The following VASH1 variants were observed in gnomAD, a reference collection of about 807,000 sequenced individuals.
The protein encoded by VASH1 is vasohibin 1, also known as tubulinyl-Tyr carboxypeptidase 1.
In VASH1, 16 loss-of-function variants were observed where a neutral mutation model predicts 35.0. That is an observed-to-expected ratio of 0.46 (90% CI 0.31 to 0.70). VASH1 has a LOEUF of 0.70. Among genes scored for constraint, VASH1 ranks in the 30% least tolerant of loss-of-function variants. VASH1 has a pLI of 0.05. For synonymous variants in VASH1, 214 were observed against 200.9 expected (o/e 1.07, Z -0.55); for missense variants, 505 against 510.7 (o/e 0.99, Z 0.11).
chr14:76,779,217 T>C lies in VASH1; in HGVS notation c.*199T>C. On this transcript the variant is annotated 3_prime_UTR_variant, in exon 7 of 7. Transcript: ENST00000167106. ...CCCCTAACTTTGGGCCTAGAGGCCG[T>C]TAGTATTTTATTTGGAGTTTTTAAC... 2.9e-6 allele frequency: 2 copies of C among 692,018 alleles called. No individual in the cohort carries two copies. Among genetic ancestry groups the C allele is most frequent in the African/African-American group, 1.8e-5 (1 of 56,752 alleles). The allele number at this position is 692,018 out of a possible 1,614,324, so 42.9% of individuals were successfully genotyped here.
rs979609554 is a variant in VASH1 at position 76,771,183 on chromosome 14, C to T, written c.399-7C>T. On this transcript the variant is annotated splice_polypyrimidine_tract_variant and splice_region_variant and intron_variant, in intron 2 of 6. Transcript: ENST00000167106. The stretch of plus-strand genomic sequence containing the variant: ...CAAGCTAGGAAGCCCTTAACCCGTG[C>T]CCACAGGTACAATCACACAGGGACA... 5 of 1,588,276 alleles carry T rather than the reference C, an allele frequency of 3.1e-6. No homozygotes were observed. Among genetic ancestry groups the T allele is most frequent in the South Asian group, 2.3e-5 (2 of 86,970 alleles).
intron 1 of VASH1, among the ~76,000 whole-genome samples, chr14:76,767,255 T>TAAAG (rs1376335033): frequency 7.4e-5 from 11 of 148,728 alleles, no homozygotes; most frequent in African/African-American, 2.8e-4. Flanking sequence ...AATAAATAAA[T>TAAAG]AAATAAATAA....
chr14:76,769,573 G>A (rs1481200413), intron 1 of VASH1: 4 of 1,055,198 alleles, frequency 3.8e-6, no homozygotes, highest in South Asian at 2.8e-5. Flanking sequence ...GCTTTGATCC[G>A]GCGCTTGAAC....
chr14:76,761,677 C>CT lies in VASH1; in HGVS notation c.-1144dup, dbSNP rs1350708151. Among the ~76,000 whole-genome samples, 1 of 151,912 alleles carries CT rather than the reference C, an allele frequency of 6.6e-6. No individual in the cohort carries two copies. The highest frequency in any genetic ancestry group is 1.5e-5 in the Non-Finnish European group (1 of 67,922). ...GCGCTCGCCCGGCTTCGTCACTCGC[C>CT]TCCAGCTACATCCGCCGGCCGAGGC... On this transcript the variant is annotated 5_prime_UTR_variant, in exon 1 of 7. Transcript: ENST00000167106.
rs1233759453 is a variant in VASH1 at position 76,780,624 on chromosome 14, G to GTTA, written c.*1606_*1607insTTA. The GTTA allele has an allele frequency of 6.6e-6, 1 of 152,254 alleles. No homozygotes were observed. The highest frequency in any genetic ancestry group is 2.4e-5 in the African/African-American group (1 of 41,446). The allele number at this position is 152,254 out of a possible 1,614,324, so 9.4% of individuals were successfully genotyped here. A position where few individuals can be genotyped will look rare whatever the true frequency, so the allele number is the denominator to read the frequency against. On this transcript the variant is annotated 3_prime_UTR_variant, in exon 7 of 7. Coordinates refer to ENST00000167106, the MANE Select transcript of VASH1 (RefSeq NM_014909.5). ...CCTGAAGAGGGCACACCCTGTTAAA[G>GTTA]GGGCCACAGCTGCTCAGCTGTTCTT... is the stretch of plus-strand genomic sequence containing the variant.
At position 76,762,129 on chromosome 14, in the gene VASH1, C is replaced by G. The variant is rs1189695340; in HGVS notation, c.-693C>G. On this transcript the variant is annotated 5_prime_UTR_variant, in exon 1 of 7. Coordinates refer to ENST00000167106, the MANE Select transcript of VASH1 (RefSeq NM_014909.5). ...GGACAGGGGACCCAGACAAAGCCCACTTTGTGCAGGGAGTTGGCCGCAGGC... is the reference window on the plus strand; with the variant it reads ...GGACAGGGGACCCAGACAAAGCCCAGTTTGTGCAGGGAGTTGGCCGCAGGC... 1 of 152,304 alleles carries G rather than the reference C, an allele frequency of 6.6e-6. No homozygotes were observed. Among genetic ancestry groups the G allele is most frequent in the African/African-American group, 2.4e-5 (1 of 41,470 alleles). The allele number at this position is 152,304 out of a possible 1,614,324, so 9.4% of individuals were successfully genotyped here. A position where few individuals can be genotyped will look rare whatever the true frequency, so the allele number is the denominator to read the frequency against.
In VASH1 at chr14:76,779,176, T is replaced by C; in HGVS notation, c.*158T>C. The C allele has an allele frequency of 1.2e-6, 1 of 816,550 alleles. No homozygotes were observed. The highest frequency in any genetic ancestry group is 2.0e-6 in the Non-Finnish European group (1 of 492,820). 50.6% of individuals were successfully genotyped at this position (816,550 alleles called of 1,614,324 possible). A position where few individuals can be genotyped will look rare whatever the true frequency, so the allele number is the denominator to read the frequency against. ...GCTCAGCCCCCCAAGCTGCTCTCGC[T>C]CCCACTGAGCCAAGCCCCCTAACTT... On this transcript the variant is annotated 3_prime_UTR_variant, in exon 7 of 7. Transcript: ENST00000167106.
Position 76,780,877 on chromosome 14 carries a change from T to G in VASH1, c.*1859T>G, listed in dbSNP as rs960728630. ...GCGGGCTGTAGCAAAGTCCTGTTTC[T>G]CAGAGCTGGGCTGGGCTGGGGTAGG... On this transcript the variant is annotated 3_prime_UTR_variant, in exon 7 of 7. Coordinates refer to ENST00000167106, the MANE Select transcript of VASH1 (RefSeq NM_014909.5). 6.6e-6 allele frequency: 1 copy of G among 152,248 alleles called. No homozygotes were observed. The highest frequency in any genetic ancestry group is 2.4e-5 in the African/African-American group (1 of 41,438). The allele number at this position is 152,248 out of a possible 1,614,324, so 9.4% of individuals were successfully genotyped here. A position where few individuals can be genotyped will look rare whatever the true frequency, so the allele number is the denominator to read the frequency against.
intron 3 of VASH1, 114 bp from the exon 4 acceptor site, chr14:76,773,023 A>AG (rs1326057609): frequency 4.1e-6 from 4 of 986,984 alleles, no homozygotes; most frequent in Non-Finnish European, 6.0e-6. Flanking sequence ...AGAGCAGCTT[A>AG]GGGGGCAGCC....
At position 76,779,156 on chromosome 14, in the gene VASH1, GC is replaced by G; in HGVS notation, c.*144del. On this transcript the variant is annotated 3_prime_UTR_variant, in exon 7 of 7. Coordinates refer to ENST00000167106, the MANE Select transcript of VASH1 (RefSeq NM_014909.5). The stretch of plus-strand genomic sequence containing the variant: ...TGCAGGAAGAGTGTGTTCCAGCTCA[GC>G]CCCCCAAGCTGCTCTCGCTCCCACT... 1.0e-6 allele frequency: 1 copy of G among 966,624 alleles called. No individual in the cohort carries two copies. Among genetic ancestry groups the G allele is most frequent in the Middle Eastern group, 2.3e-4 (1 of 4,278 alleles). The allele number at this position is 966,624 out of a possible 1,614,324, so 59.9% of individuals were successfully genotyped here.
At chr14:76,768,213 G>A (rs980335255) in intron 1 of VASH1, among the ~76,000 whole-genome samples, 3 of 152,198 alleles carry the variant, frequency 2.0e-5, no homozygotes, top group Non-Finnish European at 4.4e-5. Flanking sequence ...ACATGGGGAG[G>A]CCAGGCCAGG....
chr14:76,763,219 G>A (rs1424355915), intron 1 of VASH1, 89 bp downstream of exon 1: 3 of 1,272,532 alleles, frequency 2.4e-6, no homozygotes, highest in Middle Eastern at 2.5e-4. Context: ...CCTCCCACGG[G>A]GCAGGGGACC....
rs770991695 is a variant in VASH1, at chr14:76,773,171, G to T, written c.490G>T (p.Ala164Ser). The change falls in exon 4 of 7, where the codon GCC (alanine) becomes TCC (serine). Residue 164 changes from alanine to serine, a missense_variant. By Grantham distance (99) the Ala-to-Ser change is moderately conservative. Coordinates refer to ENST00000167106, the MANE Select transcript of VASH1 (RefSeq NM_014909.5). The stretch of plus-strand genomic sequence containing the variant: ...CCTGGCCAAGGAAATGACCAAAGAG[G>T]CCCTGCCAATCAAATGCCTGGAAGC... ...MDLAKEMTKE[A>S]LPIKCLEAVI... 7.4e-6 allele frequency: 12 copies of T among 1,613,926 alleles called. No individual in the cohort carries two copies. In the East Asian group the frequency reaches 2.7e-4, roughly 36 times the overall value.
intron 5 of VASH1, 41 bp from the exon 6 acceptor site, chr14:76,777,918 C>A: frequency 7.3e-7 from 1 of 1,377,724 alleles, no homozygotes; most frequent in Non-Finnish European, 9.5e-7. Flanking sequence ...GGCTCCAGGG[C>A]AGTCCTGGAG....
At position 76,782,668 on chromosome 14, in the gene VASH1, C is replaced by T. The variant is rs1385590920; in HGVS notation, c.*3650C>T. On this transcript the variant is annotated 3_prime_UTR_variant, in exon 7 of 7. Coordinates refer to ENST00000167106, the MANE Select transcript of VASH1 (RefSeq NM_014909.5). ...GCCAGGTACCATCGCCTCCTGCCAG[C>T]TTCCTTAGACCAGGCAGGGCTGCCA... The T allele has an allele frequency of 6.6e-6, 1 of 152,504 alleles. No homozygotes were observed. The highest frequency in any genetic ancestry group is 2.4e-5 in the African/African-American group (1 of 41,474). 9.4% of individuals were successfully genotyped at this position (152,504 alleles called of 1,614,324 possible).
chr14:76,765,646 G>T (rs1021325943), intron 1 of VASH1, among the ~76,000 whole-genome samples: 1 of 152,224 alleles, frequency 6.6e-6, no homozygotes, highest in Non-Finnish European at 1.5e-5. Flanking sequence ...ACAGTGTGGG[G>T]CTCAAGAAGT....
intron 1 of VASH1, among the ~76,000 whole-genome samples, chr14:76,767,880 G>A (rs903343827): frequency 6.6e-6 from 1 of 152,222 alleles, no homozygotes; most frequent in African/African-American, 2.4e-5. Context: ...CAGCTCCTAG[G>A]TCCTTTGTCT....
At chr14:76,763,627 T>G (rs1893564376) in intron 1 of VASH1, among the ~76,000 whole-genome samples, 1 of 152,138 alleles carries the variant, frequency 6.6e-6, no homozygotes, top group Admixed American at 6.6e-5. Flanking sequence ...AAGTAGGAAC[T>G]CAAGATCCCA....
chr14:76,774,336 T>G (rs1595275633), intron 4 of VASH1: 1 of 152,358 alleles, frequency 6.6e-6, no homozygotes, highest in East Asian at 1.9e-4. Context: ...TTTATGGGGT[T>G]CTTTGCTGGG....
Sources: allele counts gnomAD v4.1 joint callset (sites outside exome capture counted in the v4.1 genomes callset), GRCh38; gene constraint gnomAD v4.1.1; transcripts MANE v1.5; gene names NCBI Gene and HGNC (gene_info 2026-07-23, HGNC 2026-07-21).